RMC1: variants seen among roughly 807,000 people sequenced by gnomAD.
RMC1 encodes the protein regulator of MON1-CCZ1 complex.
RMC1 carries 44 observed loss-of-function variants against 95.5 expected under a neutral mutation model. The ratio of observed to expected loss-of-function variants is 0.46; its 90% confidence interval spans 0.36 to 0.59. The LOEUF (loss-of-function observed/expected upper bound fraction) is 0.59, where lower values mean the gene tolerates loss of function less well. RMC1 is among the 20% of genes least tolerant of loss of function. The pLI, the probability that RMC1 is intolerant of heterozygous loss-of-function variation, is 0.00. For missense variants in RMC1, 705 were observed against 819.6 expected (o/e 0.86, Z 1.71); for synonymous variants, 320 against 303.6 (o/e 1.05, Z -0.56).
rs879753932 is a variant in RMC1 at position 23,514,557 on chromosome 18, C to CA, written c.409-1285dup. 1.8e-3 allele frequency among the ~76,000 whole-genome samples: 235 copies of CA among 133,110 alleles called. 2 individuals carry two copies. Among genetic ancestry groups the CA allele is most frequent in the South Asian group, 3.5e-3 (15 of 4,232 alleles). The allele number at this position is 133,110 out of a possible 152,430, so 87.3% of individuals were successfully genotyped here. A position where few individuals can be genotyped will look rare whatever the true frequency, so the allele number is the denominator to read the frequency against. ...GGGCAACAAGAGTGAAACTCCGTCT[C>CA]AAAAAAAAAAAAAATTTGTAATGAC... On this transcript the variant is annotated intron_variant, in intron 5 of 19. Transcript: ENST00000269221.
At chr18:23,507,910 T>C in intron 3 of RMC1, 75 bp from the exon 4 acceptor site, 1 of 1,345,224 alleles carries the variant, frequency 7.4e-7, no homozygotes, top group African/African-American at 1.5e-5. Flanking sequence ...TTTCTTGTCT[T>C]GTAGTATGCC....
intron 2 of RMC1, chr18:23,504,785 C>T (rs2057671861): frequency 4.8e-6 from 1 of 207,810 alleles, no homozygotes; most frequent in Non-Finnish European, 1.0e-5. Context: ...CAGGTCTTTC[C>T]AGAGTGGCAG....
intron 7 of RMC1, 137 bp downstream of exon 7, chr18:23,516,560 C>T: frequency 1.2e-6 from 1 of 823,076 alleles, no homozygotes; most frequent in Non-Finnish European, 2.0e-6. Flanking sequence ...TCTGGGTATT[C>T]AGTGTATAGG....
intron 9 of RMC1, 50 bp downstream of exon 9, chr18:23,519,224 G>C (rs1213384534): frequency 6.5e-7 from 1 of 1,528,302 alleles, no homozygotes; most frequent in Non-Finnish European, 9.1e-7. Context: ...TAAAAGCCTT[G>C]TGAAAATTGG....
At chr18:23,514,627 C>T (rs867210659) in intron 5 of RMC1, among the ~76,000 whole-genome samples, 1 of 152,070 alleles carries the variant, frequency 6.6e-6, no homozygotes, top group Middle Eastern at 3.2e-3. Context: ...TCCATACACA[C>T]AGAAATAGAA....
At chr18:23,511,937 G>C (rs1284091322) in intron 5 of RMC1, among the ~76,000 whole-genome samples, 1 of 151,646 alleles carries the variant, frequency 6.6e-6, no homozygotes, top group African/African-American at 2.4e-5. Flanking sequence ...AGCAATATAG[G>C]AACTTCTGCT....
chr18:23,522,051 T>A (rs2058156444), intron 10 of RMC1, among the ~76,000 whole-genome samples: 1 of 152,204 alleles, frequency 6.6e-6, no homozygotes, highest in Non-Finnish European at 1.5e-5. Flanking sequence ...GATTTCCTTG[T>A]ACCGTTCACC....
intron 3 of RMC1, 25 bp downstream of exon 3, chr18:23,507,079 C>A: frequency 7.0e-7 from 1 of 1,421,050 alleles, no homozygotes; most frequent in Non-Finnish European, 9.7e-7. Context: ...TAAAATACAG[C>A]ATTAAAGGGC....
intron 13 of RMC1, 32 bp downstream of exon 13, chr18:23,526,797 C>G (rs1022900085): frequency 3.1e-6 from 5 of 1,609,888 alleles, no homozygotes; most frequent in African/African-American, 1.3e-5. Context: ...TGCTCTGATT[C>G]CAGTGTGAGG....
intron 1 of RMC1, 52 bp downstream of exon 1, chr18:23,503,772 C>T: frequency 6.6e-7 from 1 of 1,505,704 alleles, no homozygotes; most frequent in Admixed American, 2.0e-5. Flanking sequence ...GGGTCGTGGG[C>T]GCGCCAAGGC....
chr18:23,513,381 CTTT>C (rs1291346098), intron 5 of RMC1, among the ~76,000 whole-genome samples: 1 of 152,166 alleles, frequency 6.6e-6, no homozygotes, highest in Non-Finnish European at 1.5e-5. Context: ...ATAGGGTTTC[CTTT>C]TTAAGACTGA....
intron 10 of RMC1, among the ~76,000 whole-genome samples, chr18:23,522,077 G>T (rs928771680): frequency 6.6e-6 from 1 of 152,304 alleles, no homozygotes; most frequent in Admixed American, 6.5e-5. Flanking sequence ...GTTCAGAATC[G>T]CACTCTGGCT....
rs1199230762 is a variant in RMC1 at position 23,517,929 on chromosome 18, G to A, written c.654-961G>A. 5.9e-5 allele frequency among the ~76,000 whole-genome samples: 9 copies of A among 152,074 alleles called. No homozygotes were observed. In the South Asian group the frequency reaches 1.2e-3, roughly 21 times the overall value. On this transcript the variant is annotated intron_variant, in intron 7 of 19. Coordinates refer to ENST00000269221, the MANE Select transcript of RMC1 (RefSeq NM_013326.5). ...GATGGAGTTTCACCATGTTGCCCAG[G>A]CTGGTCTTGAACTCCTGGGCTCGGG...
At chr18:23,503,909 C>T (rs1188247705) in intron 1 of RMC1, among the ~76,000 whole-genome samples, 189 bp downstream of exon 1, 3 of 152,084 alleles carry the variant, frequency 2.0e-5, no homozygotes, top group African/African-American at 4.8e-5. Flanking sequence ...TCGCAGGTGA[C>T]CTCGGGGCTG....
chr18:23,516,724 CTTCTTT>C (rs2058016515), intron 7 of RMC1, among the ~76,000 whole-genome samples: 2 of 140,494 alleles, frequency 1.4e-5, no homozygotes, highest in African/African-American at 2.6e-5. Context: ...AGAATTTCTT[CTTCTTT>C]TTTTTTTTTT....
chr18:23,512,489 C>A (rs539051571), intron 5 of RMC1, among the ~76,000 whole-genome samples: 1 of 152,280 alleles, frequency 6.6e-6, no homozygotes, highest in African/African-American at 2.4e-5. Context: ...GGCACAATCA[C>A]GGCTCACTGC....
intron 5 of RMC1, among the ~76,000 whole-genome samples, chr18:23,513,009 A>G (rs958409672): frequency 1.3e-5 from 2 of 152,024 alleles, no homozygotes; most frequent in African/African-American, 2.4e-5. Flanking sequence ...GCTGGAGTGC[A>G]GTGGCGTGAT....
Position 23,530,552 on chromosome 18 carries a change from A to G in RMC1, c.1834A>G (p.Ile612Val). 6.2e-7 allele frequency: 1 copy of G among 1,614,224 alleles called. No individual in the cohort carries two copies. Among genetic ancestry groups the G allele is most frequent in the South Asian group, 1.1e-5 (1 of 91,084 alleles). ...TGAAGACAACATGCTTTTCTATACA[A>G]TATTCCGCTTTTTTGAACAGCGAAA... The part of the protein sequence containing the change: ...QTEDNMLFYT[I>V]FRFFEQRNQR... Residue 612 changes from isoleucine (I) to valine (V), a missense_variant, in exon 19 of 20, where the codon ATA (isoleucine) becomes GTA (valine). By Grantham distance (29) the Ile-to-Val change is conservative. Coordinates refer to ENST00000269221, the MANE Select transcript of RMC1 (RefSeq NM_013326.5).
At chr18:23,511,234 C>T (rs1268133184) in intron 5 of RMC1, among the ~76,000 whole-genome samples, 1 of 152,098 alleles carries the variant, frequency 6.6e-6, no homozygotes. Flanking sequence ...GAACAGAAAA[C>T]CAAATACCAC....
Sources: gnomAD v4.1 joint callset for allele counts (sites outside exome capture counted in the v4.1 genomes callset) on GRCh38, gnomAD v4.1.1 for gene constraint, MANE v1.5 for transcripts, NCBI Gene and HGNC (gene_info 2026-07-23, HGNC 2026-07-21) for gene names.